The following ALPK3 variants were observed in gnomAD, a reference collection of about 807,000 sequenced individuals.
ALPK3 encodes alpha-protein kinase 3.
ALPK3 carries 102 observed loss-of-function variants against 140.0 expected under a neutral mutation model. The ratio of observed to expected loss-of-function variants is 0.73; its 90% CI spans 0.62 to 0.86. ALPK3 has a LOEUF of 0.86. ALPK3 is among the 40% of genes least tolerant of loss of function. The pLI is 0.00. For synonymous variants in ALPK3, 938 were observed against 898.5 expected, an observed-to-expected ratio of 1.04 and a Z score of -0.79; for missense variants, 2,254 against 2,208.2, an observed-to-expected ratio of 1.02 and a Z score of -0.42.
At chr15:84,864,918 A>G (rs1488466204) in intron 12 of ALPK3, among the ~76,000 whole-genome samples, 1 of 152,210 alleles carries the variant, frequency 6.6e-6, no homozygotes, top group Admixed American at 6.5e-5. Flanking sequence ...AATTAAAAGT[A>G]AAAAGGAATT....
intron 5 of ALPK3, among the ~76,000 whole-genome samples, chr15:84,848,906 A>G (rs1327468125): frequency 1.3e-5 from 2 of 152,052 alleles, no homozygotes; most frequent in African/African-American, 4.8e-5. Flanking sequence ...CTTTGGGAGG[A>G]CAAGGCAGGC....
At chr15:84,863,528 C>A in intron 10 of ALPK3, 24 bp from the exon 11 acceptor site, 2 of 1,608,108 alleles carry the variant, frequency 1.2e-6, no homozygotes. Context: ...CTTTGCTCAC[C>A]ACATTTGGTT....
rs757795986 is a variant in ALPK3 at position 84,827,514 on chromosome 15, C to A, written c.213C>A (p.Leu71=). The change falls in exon 3 of 14, where the codon CTC becomes CTA. Residue 71 remains leucine, a synonymous_variant. Transcript: ENST00000258888. ...RSTFCSIIAQ[L]TEETQPLFET... Reference sequence around the variant, plus strand: ...CCTTCTGCTCCATCATTGCTCAGCTCACAGAGGAGACCCAGCCGCTATTTG... The same window carrying A: ...CCTTCTGCTCCATCATTGCTCAGCTAACAGAGGAGACCCAGCCGCTATTTG... 21 of 1,614,220 alleles carry A rather than the reference C, an allele frequency of 1.3e-5. No individual in the cohort carries two copies. In the South Asian group the frequency reaches 2.0e-4, roughly 15 times the overall value.
intron 3 of ALPK3, among the ~76,000 whole-genome samples, chr15:84,832,489 C>A (rs1304543154): frequency 6.6e-6 from 1 of 152,184 alleles, no homozygotes; most frequent in African/African-American, 2.4e-5. Context: ...TAGAAGCCTA[C>A]TCTTTTTCTG....
chr15:84,839,179 T>A (rs1963628399), intron 4 of ALPK3, 82 bp downstream of exon 4: 1 of 1,213,026 alleles, frequency 8.2e-7, no homozygotes. Context: ...AATGGAGCAG[T>A]CTGGATGGAG....
rs768716389 is a variant in ALPK3, at chr15:84,862,610, C to T, written c.4130-25C>T. On this transcript the variant is annotated intron_variant, in intron 9 of 13. Transcript: ENST00000258888. ...TGGTGAGACAGGAGCTCCTGGTCTC[C>T]CACATTTCTCCTGTTCCCCTTCAGT... 20 of 1,577,666 alleles carry T rather than the reference C, an allele frequency of 1.3e-5. No homozygotes were observed. In the African/African-American group the frequency reaches 1.8e-4, roughly 14 times the overall value.
At position 84,839,821 on chromosome 15, in the gene ALPK3, G is replaced by A. The variant is rs1442088577; in HGVS notation, c.542G>A (p.Trp181Ter). The change falls in exon 5 of 14, where the codon TGG (tryptophan) becomes TAG (stop). Residue 181 changes from tryptophan to a stop codon, truncating the protein, a stop_gained. Coordinates refer to ENST00000258888, the MANE Select transcript of ALPK3 (RefSeq NM_020778.5). LOFTEE classifies it high-confidence loss of function. ...ACTGAGTACAAGATCCACCAGCGCT[G>A]GTTCGCCAAGTTGAAGCGCAAGGCT... is the stretch of plus-strand genomic sequence containing the variant. The part of the protein sequence containing the change: ...TMTEYKIHQR[W>*]FAKLKRKAAA... 1.2e-6 allele frequency: 2 copies of A among 1,614,142 alleles called. No individual in the cohort carries two copies. Among genetic ancestry groups the A allele is most frequent in the Non-Finnish European group, 1.7e-6 (2 of 1,180,046 alleles).
chr15:84,834,186 C>T (rs1963575934), intron 3 of ALPK3, among the ~76,000 whole-genome samples: 1 of 152,096 alleles, frequency 6.6e-6, no homozygotes, highest in Admixed American at 6.5e-5. Context: ...GGAAAGAGTA[C>T]TGGAGAAAGG....
At position 84,863,543 on chromosome 15, in the gene ALPK3, C is replaced by T. The variant is rs1200168748; in HGVS notation, c.4411-9C>T. 1.9e-6 allele frequency: 3 copies of T among 1,613,316 alleles called. No homozygotes were observed. Among genetic ancestry groups the T allele is most frequent in the African/African-American group, 1.3e-5 (1 of 74,916 alleles). ...CTTTGCTCACCACATTTGGTTCCCT[C>T]ATCCACAGGGGTGCAAGATCCAGAA... On this transcript the variant is annotated splice_polypyrimidine_tract_variant and intron_variant, in intron 10 of 13. Transcript: ENST00000258888.
intron 3 of ALPK3, among the ~76,000 whole-genome samples, chr15:84,835,229 G>GTC (rs2141553475): frequency 1.3e-5 from 2 of 152,318 alleles, no homozygotes; most frequent in Non-Finnish European, 2.9e-5. Flanking sequence ...GCTGGCTCTG[G>GTC]TCACACACAC....
At chr15:84,856,015 T>C (rs1963856052) in intron 5 of ALPK3, among the ~76,000 whole-genome samples, 1 of 152,188 alleles carries the variant, frequency 6.6e-6, no homozygotes. Flanking sequence ...GGAGAAGGAC[T>C]GCTCTGGGAG....
At chr15:84,863,448 C>A (rs1963970653) in intron 10 of ALPK3, 104 bp from the exon 11 acceptor site, 4 of 974,404 alleles carry the variant, frequency 4.1e-6, no homozygotes, top group African/African-American at 1.6e-5. Context: ...TGGAATCCTC[C>A]TCTCAGTCCC....
At chr15:84,838,470 A>G (rs1963618827) in intron 3 of ALPK3, among the ~76,000 whole-genome samples, 1 of 152,072 alleles carries the variant, frequency 6.6e-6, no homozygotes, top group African/African-American at 2.4e-5. Flanking sequence ...CAGCTTTGAC[A>G]GGGACCAGCT....
chr15:84,868,088 C>A, intron 13 of ALPK3, 23 bp from the exon 14 acceptor site: 1 of 1,594,962 alleles, frequency 6.3e-7, no homozygotes, highest in South Asian at 1.1e-5. Context: ...GACCCCCACT[C>A]AGCTCTTCCT....
chr15:84,855,294 C>T (rs551219147), intron 5 of ALPK3, among the ~76,000 whole-genome samples: 7 of 152,316 alleles, frequency 4.6e-5, no homozygotes, highest in African/African-American at 1.4e-4. Flanking sequence ...TGAACAGCTC[C>T]ACTCTCCTCC....
chr15:84,864,771 C>A (rs1963985772), intron 12 of ALPK3, 106 bp downstream of exon 12: 2 of 1,195,132 alleles, frequency 1.7e-6, no homozygotes, highest in African/African-American at 3.1e-5. Context: ...GCACCTTTGT[C>A]TTTATTCTTT....
At chr15:84,835,183 G>T (rs1018740362) in intron 3 of ALPK3, among the ~76,000 whole-genome samples, 1 of 152,224 alleles carries the variant, frequency 6.6e-6, no homozygotes, top group Non-Finnish European at 1.5e-5. Context: ...TCCTTGTAGG[G>T]ATGAGATCAT....
chr15:84,839,620 C>T, intron 4 of ALPK3, 82 bp from the exon 5 acceptor site: 1 of 1,472,946 alleles, frequency 6.8e-7, no homozygotes, highest in Non-Finnish European at 9.1e-7. Context: ...GTGTGCCCGG[C>T]TCTGAACGGC....
chr15:84,867,546 G>T (rs918606760), intron 13 of ALPK3, among the ~76,000 whole-genome samples, 181 bp downstream of exon 13: 9 of 151,976 alleles, frequency 5.9e-5, no homozygotes, highest in African/African-American at 2.2e-4. Flanking sequence ...TCTCTGGCCT[G>T]GTGTGGCAGC....
Sources: gnomAD v4.1 joint callset for allele counts (sites outside exome capture counted in the v4.1 genomes callset) on GRCh38, gnomAD v4.1.1 for gene constraint, MANE v1.5 for transcripts, NCBI Gene and HGNC (gene_info 2026-07-23, HGNC 2026-07-21) for gene names.